SHISA6: variants seen among roughly 807,000 people sequenced by gnomAD.
SHISA6 encodes protein shisa-6.
In SHISA6, 22 loss-of-function variants were observed where a neutral mutation model predicts 47.9. The ratio of observed to expected loss-of-function variants is 0.46; its 90% CI spans 0.33 to 0.66. The LOEUF (loss-of-function observed/expected upper bound fraction) is 0.66. SHISA6 is among the 30% of genes least tolerant of loss of function. The probability of loss-of-function intolerance (pLI) is 0.02; values close to 1 mark genes in which losing one functional copy is unlikely to be tolerated. For synonymous variants in SHISA6, 388 were observed against 337.8 expected, an observed-to-expected ratio of 1.15 and a Z score of -1.63; for missense variants, 680 against 764.6, an observed-to-expected ratio of 0.89 and a Z score of 1.30.
chr17:11,264,380 A>G (rs377233791), intron 2 of SHISA6, among the ~76,000 whole-genome samples: 36 of 152,228 alleles, frequency 2.4e-4, no homozygotes, highest in African/African-American at 8.2e-4. Context: ...ATGATTAGTA[A>G]GAGAGAAAAA....
chr17:11,555,603 G>T, intron 4 of SHISA6, 137 bp from the exon 5 acceptor site: 2 of 1,013,844 alleles, frequency 2.0e-6, no homozygotes, highest in Non-Finnish European at 2.7e-6. Context: ...GGGAAACTGA[G>T]TCAATAGTAT....
chr17:11,346,626 A>C (rs995131014), intron 2 of SHISA6, among the ~76,000 whole-genome samples: 2 of 152,196 alleles, frequency 1.3e-5, no homozygotes, highest in Admixed American at 6.5e-5. Context: ...ATTTCTGGAG[A>C]TACTTAAAGG....
intron 2 of SHISA6, among the ~76,000 whole-genome samples, chr17:11,268,482 C>A (rs1484274540): frequency 6.6e-6 from 1 of 152,204 alleles, no homozygotes; most frequent in Non-Finnish European, 1.5e-5. Context: ...TGTTTGTATT[C>A]TTGCATTGAG....
intron 2 of SHISA6, among the ~76,000 whole-genome samples, chr17:11,359,440 G>A (rs1333826712): frequency 1.3e-5 from 2 of 152,098 alleles, no homozygotes; most frequent in Non-Finnish European, 2.9e-5. Flanking sequence ...GGCCTTCCAG[G>A]AGCAAATATA....
At chr17:11,366,490 G>A (rs943375321) in intron 2 of SHISA6, among the ~76,000 whole-genome samples, 4 of 152,206 alleles carry the variant, frequency 2.6e-5, no homozygotes, top group Admixed American at 1.3e-4. Context: ...TTAAGGAGAG[G>A]CATAGAATGA....
At chr17:11,291,450 A>G (rs905213650) in intron 2 of SHISA6, among the ~76,000 whole-genome samples, 3 of 152,018 alleles carry the variant, frequency 2.0e-5, no homozygotes, top group African/African-American at 7.2e-5. Flanking sequence ...CCTGGCCATC[A>G]TGGTGAAACC....
At chr17:11,325,335 G>A (rs1910840675) in intron 2 of SHISA6, among the ~76,000 whole-genome samples, 1 of 152,188 alleles carries the variant, frequency 6.6e-6, no homozygotes, top group African/African-American at 2.4e-5. Flanking sequence ...GATAAACTGG[G>A]ACATCTGCAA....
chr17:11,291,447 A>G (rs1399519556), intron 2 of SHISA6, among the ~76,000 whole-genome samples: 2 of 152,006 alleles, frequency 1.3e-5, no homozygotes, highest in East Asian at 1.9e-4. Flanking sequence ...CATCCTGGCC[A>G]TCATGGTGAA....
chr17:11,269,102 C>T (rs1468071616), intron 2 of SHISA6, among the ~76,000 whole-genome samples: 3 of 151,372 alleles, frequency 2.0e-5, no homozygotes, highest in Non-Finnish European at 2.9e-5. Context: ...AGTGCAGTGG[C>T]GCGATCTCAG....
intron 3 of SHISA6, among the ~76,000 whole-genome samples, chr17:11,397,292 C>CT (rs1913600802): frequency 2.0e-5 from 3 of 151,844 alleles, no homozygotes; most frequent in South Asian, 2.1e-4. Flanking sequence ...GATTATTCTA[C>CT]TTTTTTTTCC....
chr17:11,470,489 C>T (rs1915910071), intron 3 of SHISA6, among the ~76,000 whole-genome samples: 1 of 152,136 alleles, frequency 6.6e-6, no homozygotes, highest in Admixed American at 6.5e-5. Flanking sequence ...ACAACAAGAC[C>T]CCAAGGTCAC....
intron 3 of SHISA6, among the ~76,000 whole-genome samples, chr17:11,459,716 C>T (rs1399127586): frequency 2.0e-5 from 3 of 152,166 alleles, no homozygotes; most frequent in South Asian, 2.1e-4. Context: ...GGGAAGTTTA[C>T]GGAGTCTGTA....
intron 3 of SHISA6, among the ~76,000 whole-genome samples, chr17:11,514,350 G>A (rs541436531): frequency 1.6e-4 from 24 of 152,212 alleles, no homozygotes; most frequent in African/African-American, 4.8e-4. Context: ...GCTGGTATTG[G>A]GCATAAGGCT....
At chr17:11,418,242 A>G (rs763588817) in intron 3 of SHISA6, among the ~76,000 whole-genome samples, 19 of 152,236 alleles carry the variant, frequency 1.2e-4, no homozygotes, top group Non-Finnish European at 2.6e-4. Flanking sequence ...TTGATGGTAT[A>G]TCATTTGTCC....
At chr17:11,417,907 G>A (rs1382601862) in intron 3 of SHISA6, among the ~76,000 whole-genome samples, 3 of 152,206 alleles carry the variant, frequency 2.0e-5, no homozygotes, top group Admixed American at 1.3e-4. Context: ...AAGTTGATAA[G>A]GAGATGTACT....
intron 2 of SHISA6, among the ~76,000 whole-genome samples, chr17:11,299,562 A>G (rs532177361): frequency 6.6e-6 from 1 of 152,314 alleles, no homozygotes; most frequent in Non-Finnish European, 1.5e-5. Context: ...AAGTCAAGAT[A>G]TGTTAGGGCT....
intron 5 of SHISA6, among the ~76,000 whole-genome samples, chr17:11,557,417 G>A (rs556773420): frequency 5.3e-5 from 8 of 152,268 alleles, no homozygotes; most frequent in African/African-American, 1.9e-4. Context: ...TGGGGATTCT[G>A]AGGAAGTCCC....
At chr17:11,339,229 T>G (rs1374620262) in intron 2 of SHISA6, among the ~76,000 whole-genome samples, 1 of 151,894 alleles carries the variant, frequency 6.6e-6, no homozygotes, top group Non-Finnish European at 1.5e-5. Context: ...TATGTGATGT[T>G]GTCAACTTGT....
intron 2 of SHISA6, among the ~76,000 whole-genome samples, chr17:11,321,049 C>A (rs568397962): frequency 6.6e-6 from 1 of 152,042 alleles, no homozygotes; most frequent in Non-Finnish European, 1.5e-5. Flanking sequence ...AACAAAGTGG[C>A]GTATATTTTT....
Sources: allele counts gnomAD v4.1 joint callset (sites outside exome capture counted in the v4.1 genomes callset), GRCh38; gene constraint gnomAD v4.1.1; transcripts MANE v1.5; gene names NCBI Gene and HGNC (gene_info 2026-07-23, HGNC 2026-07-21).